Variants in CYFIP1 observed in about 807,000 individuals in gnomAD.
CYFIP1 encodes the protein cytoplasmic FMR1 interacting protein 1.
A neutral mutation model predicts 163.5 loss-of-function variants in CYFIP1; 58 were observed. The observed-to-expected ratio is 0.35, with a 90% CI of 0.29 to 0.44. The LOEUF is 0.44. Ranked by LOEUF, CYFIP1 falls within the 20% of genes least tolerant of loss-of-function variation. The pLI is 1.00. For synonymous variants in CYFIP1, 663 were observed against 660.7 expected, an observed-to-expected ratio of 1.00 and a Z score of -0.05; for missense variants, 1,338 against 1,653.8, an observed-to-expected ratio of 0.81 and a Z score of 3.31.
intron 6 of CYFIP1, among the ~76,000 whole-genome samples, chr15:22,940,171 C>A (rs142206933): frequency 7.8e-4 from 119 of 152,308 alleles, no homozygotes; most frequent in Non-Finnish European, 1.6e-3. Flanking sequence ...TCAGTGGAAA[C>A]GGCCCACATA....
intron 30 of CYFIP1, among the ~76,000 whole-genome samples, chr15:22,871,707 A>G (rs1345161415): frequency 6.6e-6 from 1 of 152,206 alleles, no homozygotes; most frequent in Non-Finnish European, 1.5e-5. Context: ...ACATGGCAGA[A>G]GACTAGAGGC....
At position 22,935,246 on chromosome 15, in the gene CYFIP1, G is replaced by A. The variant is rs537420072; in HGVS notation, c.901-1353C>T. Reference sequence around the variant, plus strand: ...TTAAGGCAGTGTGGCCCTGGAGCAGGGATGGAGGCTTGTGGACAGGACAGA... The same window carrying A: ...TTAAGGCAGTGTGGCCCTGGAGCAGAGATGGAGGCTTGTGGACAGGACAGA... On this transcript the variant is annotated intron_variant, in intron 9 of 30. Coordinates refer to ENST00000617928, the MANE Select transcript of CYFIP1 (RefSeq NM_014608.6). Among the ~76,000 whole-genome samples the A allele has an allele frequency of 3.9e-5, 6 of 152,288 alleles. No individual in the cohort carries two copies. The South Asian group carries it at 1.2e-3, about 32-fold the overall frequency.
rs777426856 is a variant in CYFIP1 at position 22,932,189 on chromosome 15, G to A, written c.1110+34C>T. ...GTGCAAACACACACAGGCGACCCTC[G>A]GGTGCCTGTGCAGCTCCAGGTCGCG... On this transcript the variant is annotated intron_variant, in intron 11 of 30. Transcript: ENST00000617928. 2.0e-5 allele frequency: 30 copies of A among 1,524,092 alleles called. 1 individual carries two copies. The East Asian group carries it at 2.6e-4, about 13-fold the overall frequency. 94.4% of individuals were successfully genotyped at this position (1,524,092 alleles called of 1,614,324 possible).
Position 22,902,981 on chromosome 15 carries a change from G to A in CYFIP1, c.2588+725C>T, listed in dbSNP as rs565322799. ...AGTAAGAATTCAGCCACATGTGGGT[G>A]GGACGCGGAGATCAGAGGCAAGCAC... On this transcript the variant is annotated intron_variant, in intron 22 of 30. Coordinates refer to ENST00000617928, the MANE Select transcript of CYFIP1 (RefSeq NM_014608.6). 3.9e-5 allele frequency among the ~76,000 whole-genome samples: 6 copies of A among 152,336 alleles called. No individual in the cohort carries two copies. The East Asian group carries it at 1.2e-3, about 29-fold the overall frequency.
intron 13 of CYFIP1, 74 bp downstream of exon 13, chr15:22,925,908 T>C: frequency 6.3e-7 from 1 of 1,582,378 alleles, no homozygotes; most frequent in South Asian, 1.1e-5. Context: ...TTTGTTCATG[T>C]TTTTGCTTTT....
chr15:22,924,148 G>A (rs2061284734), intron 13 of CYFIP1, among the ~76,000 whole-genome samples: 1 of 152,098 alleles, frequency 6.6e-6, no homozygotes. Context: ...AAGTGGCCTG[G>A]CACGGTAGCT....
At chr15:22,901,668 G>A (rs548206064) in intron 22 of CYFIP1, among the ~76,000 whole-genome samples, 1 of 152,356 alleles carries the variant, frequency 6.6e-6, no homozygotes, top group Admixed American at 6.5e-5. Context: ...GCCACCACAC[G>A]TAGCTCACTA....
At chr15:22,882,567 G>C (rs1056193758) in intron 24 of CYFIP1, among the ~76,000 whole-genome samples, 8 of 152,224 alleles carry the variant, frequency 5.3e-5, no homozygotes, top group Non-Finnish European at 1.0e-4. Context: ...CACTTTGGGA[G>C]GCCAAGATGG....
chr15:22,972,632 G>A (rs561970754), intron 1 of CYFIP1, among the ~76,000 whole-genome samples: 7 of 152,304 alleles, frequency 4.6e-5, no homozygotes, highest in African/African-American at 1.7e-4. Context: ...AATAAACGGT[G>A]TTGAGAAAAC....
Position 22,869,573 on chromosome 15 carries a change from A to ACTGTT in CYFIP1, c.*454_*455insAACAG, listed in dbSNP as rs2059361628. The stretch of plus-strand genomic sequence containing the variant: ...GGAATCAAGTTCACTATTTTCTGAA[A>ACTGTT]CACACAAAAAAGGGATGGGAACAAT... On this transcript the variant is annotated 3_prime_UTR_variant, in exon 31 of 31. Transcript: ENST00000617928. 2 of 152,820 alleles carry ACTGTT rather than the reference A, an allele frequency of 1.3e-5. No homozygotes were observed. Among genetic ancestry groups the ACTGTT allele is most frequent in the African/African-American group, 2.4e-5 (1 of 41,460 alleles). 9.5% of individuals were successfully genotyped at this position (152,820 alleles called of 1,614,324 possible). A position where few individuals can be genotyped will look rare whatever the true frequency, so the allele number is the denominator to read the frequency against.
rs151336917 is a variant in CYFIP1 at position 22,881,912 on chromosome 15, C to T, written c.2845G>A (p.Val949Met). 4.7e-5 allele frequency: 75 copies of T among 1,612,512 alleles called. No homozygotes were observed. The East Asian group carries it at 1.0e-3, about 22-fold the overall frequency. The change falls in exon 25 of 31, where the codon GTG becomes ATG. Residue 949 changes from valine (V) to methionine (M), a missense_variant. By Grantham distance (21) the Val-to-Met change is conservative. Transcript: ENST00000617928. ...SLLQGTILQY[V>M]KTLMEVMPKI... ...GGCATCACCTCCATCAGCGTCTTCA[C>T]GTACTGCAGGATTGTGCCTTGCAGC...
chr15:22,895,000 T>C (rs1388117215), intron 22 of CYFIP1, among the ~76,000 whole-genome samples: 1 of 150,152 alleles, frequency 6.7e-6, no homozygotes, highest in Admixed American at 6.6e-5. Context: ...GGACTACAGG[T>C]CACCATGCCT....
chr15:22,928,015 G>C lies in CYFIP1; in HGVS notation c.1124C>G (p.Ser375Trp), dbSNP rs752890479. ...CGTCTTCTGGGCCTCCTGGCGGCCC[G>C]AGCCCGTGACCACCTGCACAAGGCG... ...RYSNSEVVTG[S>W]GRQEAQKTDA... is the part of the protein sequence containing the mutation. The change falls in exon 12 of 31, where the codon TCG becomes TGG. Residue 375 changes from serine to tryptophan, a missense_variant. By Grantham distance (177) the Ser-to-Trp change is radical (BLOSUM62 -3). This residue lies in a region of CYFIP1 where 824 missense variants were observed against 995.7 expected (regional missense o/e 0.83). Coordinates refer to ENST00000617928, the MANE Select transcript of CYFIP1 (RefSeq NM_014608.6). 1.9e-6 allele frequency: 3 copies of C among 1,567,024 alleles called. No homozygotes were observed. The highest frequency in any genetic ancestry group is 2.6e-6 in the Non-Finnish European group (3 of 1,160,592).
chr15:22,888,470 C>T (rs886462726), intron 23 of CYFIP1, among the ~76,000 whole-genome samples: 1 of 152,150 alleles, frequency 6.6e-6, no homozygotes, highest in Non-Finnish European at 1.5e-5. Flanking sequence ...CGGTGGCTCA[C>T]GGCTACATCC....
rs1230948825 is a variant in CYFIP1 at position 22,867,374 on chromosome 15, C to A, written c.*2654G>T. 2.6e-6 allele frequency: 1 copy of A among 391,906 alleles called. No individual in the cohort carries two copies. The highest frequency in any genetic ancestry group is 4.5e-6 in the Non-Finnish European group (1 of 222,622). 24.3% of individuals were successfully genotyped at this position (391,906 alleles called of 1,614,324 possible). ...AAAACTAAGTTACTGAATGAAGGAA[C>A]CTCTTTCTTACAAAACAAAAAAAAG... On this transcript the variant is annotated 3_prime_UTR_variant, in exon 31 of 31. Transcript: ENST00000617928.
At chr15:22,925,852 A>C in intron 13 of CYFIP1, 130 bp downstream of exon 13, 1 of 1,351,946 alleles carries the variant, frequency 7.4e-7, no homozygotes, top group African/African-American at 1.4e-5. Context: ...CTACTCTGCC[A>C]GATGGAAAGG....
intron 1 of CYFIP1, chr15:22,951,539 C>T (rs1196447077): frequency 3.9e-6 from 5 of 1,287,618 alleles, no homozygotes; most frequent in Non-Finnish European, 4.0e-6. Context: ...CCGTGTCCTG[C>T]GACTCCAGCC....
At chr15:22,900,467 C>T (rs372009434) in intron 22 of CYFIP1, among the ~76,000 whole-genome samples, 36 of 150,002 alleles carry the variant, frequency 2.4e-4, no homozygotes, top group African/African-American at 6.9e-4. Flanking sequence ...GGTGCAATCT[C>T]GGCTCACTGC....
Position 22,874,624 on chromosome 15 carries a change from T to C in CYFIP1, c.3136A>G (p.Lys1046Glu). 6.2e-7 allele frequency: 1 copy of C among 1,603,616 alleles called. No individual in the cohort carries two copies. Among genetic ancestry groups the C allele is most frequent in the East Asian group, 2.3e-5 (1 of 44,302 alleles). The change falls in exon 28 of 31, where the codon AAA (lysine) becomes GAA (glutamate). Residue 1046 changes from lysine (K) to glutamate (E), a missense_variant. Transcript: ENST00000617928. ...HVKEGERLDA[K>E]MKRLESKYAP... ...TACTTTGATTCTAGTCTTTTCATTT[T>C]GGCATCAAGTCTCTCCCCCTCTGCA...
Sources: gnomAD v4.1 joint callset for allele counts (sites outside exome capture counted in the v4.1 genomes callset) on GRCh38, gnomAD v4.1.1 for gene constraint, gnomAD v4.1.1 regional missense constraint, MANE v1.5 for transcripts, NCBI Gene and HGNC (gene_info 2026-07-23, HGNC 2026-07-21) for gene names.